IPCEF1: variants seen among roughly 807,000 people sequenced by gnomAD.
IPCEF1 encodes interaction protein for cytohesin exchange factors 1.
A neutral mutation model predicts 50.9 loss-of-function variants in IPCEF1; 31 were observed. The ratio of observed to expected loss-of-function variants is 0.61; its 90% CI spans 0.46 to 0.82. IPCEF1 has a LOEUF of 0.82. Ranked by LOEUF, IPCEF1 falls within the 40% of genes least tolerant of loss-of-function variation. IPCEF1 has a pLI of 0.00. For missense variants in IPCEF1, 458 were observed against 514.0 expected, an observed-to-expected ratio of 0.89 and a Z score of 1.05; for synonymous variants, 181 against 192.0, an observed-to-expected ratio of 0.94 and a Z score of 0.47.
chr6:154,183,785 G>A (rs1801099532), intron 10 of IPCEF1, among the ~76,000 whole-genome samples: 1 of 152,040 alleles, frequency 6.6e-6, no homozygotes. Context: ...AGCTACGTGG[G>A]AGGCTGAGGT....
At chr6:154,167,278 T>C (rs1260293644) in intron 11 of IPCEF1, among the ~76,000 whole-genome samples, 1 of 152,244 alleles carries the variant, frequency 6.6e-6, no homozygotes, top group Non-Finnish European at 1.5e-5. Flanking sequence ...AAGAACCATT[T>C]CAGCTCAGGG....
At chr6:154,177,148 T>G (rs1800400814) in intron 10 of IPCEF1, among the ~76,000 whole-genome samples, 2 of 152,184 alleles carry the variant, frequency 1.3e-5, no homozygotes, top group Admixed American at 6.5e-5. Context: ...CAAGATGGAT[T>G]AAAGACTTAA....
chr6:154,331,425 G>GAGAGAAAAAGAA (rs1783669432), intron 1 of IPCEF1, among the ~76,000 whole-genome samples: 1 of 122,806 alleles, frequency 8.1e-6, no homozygotes, highest in African/African-American at 3.4e-5. Context: ...AAAAGAAAGA[G>GAGAGAAAAAGAA]AGAGAGAGAA....
At chr6:154,229,776 G>A (rs1341810935) in intron 5 of IPCEF1, among the ~76,000 whole-genome samples, 1 of 152,174 alleles carries the variant, frequency 6.6e-6, no homozygotes, top group Non-Finnish European at 1.5e-5. Context: ...CATGCAAATC[G>A]TTATAACAGC....
chr6:154,162,260 G>A (rs73789356), intron 11 of IPCEF1, among the ~76,000 whole-genome samples: 184 of 152,230 alleles, frequency 1.2e-3, no homozygotes, highest in African/African-American at 4.3e-3. Flanking sequence ...AGTCTCACTG[G>A]TACACATGTT....
intron 5 of IPCEF1, among the ~76,000 whole-genome samples, chr6:154,225,856 C>T (rs570036167): frequency 6.6e-6 from 1 of 152,152 alleles, no homozygotes; most frequent in Non-Finnish European, 1.5e-5. Flanking sequence ...CTTCCTCCTC[C>T]CATTCATTTC....
At chr6:154,206,522 C>T (rs1330726839) in intron 9 of IPCEF1, among the ~76,000 whole-genome samples, 2 of 152,168 alleles carry the variant, frequency 1.3e-5, no homozygotes, top group African/African-American at 2.4e-5. Flanking sequence ...TGGGCACTGG[C>T]TCTGACTTTA....
chr6:154,216,776 G>A (rs1214725780), intron 7 of IPCEF1, among the ~76,000 whole-genome samples: 1 of 152,294 alleles, frequency 6.6e-6, no homozygotes, highest in East Asian at 1.9e-4. Context: ...GCTGAGGCAG[G>A]AGAATCGCTT....
Position 154,247,487 on chromosome 6 carries a change from T to A in IPCEF1, c.38A>T (p.Gln13Leu), listed in dbSNP as rs1439349553. The A allele has an allele frequency of 6.2e-7, 1 of 1,611,856 alleles. No individual in the cohort carries two copies. Among genetic ancestry groups the A allele is most frequent in the Non-Finnish European group, 8.5e-7 (1 of 1,178,416 alleles). Residue 13 changes from glutamine (Q) to leucine (L), a missense_variant and splice_region_variant, in exon 4 of 12, where the codon CAG becomes CTG. By Grantham distance (113) the Gln-to-Leu change is moderately radical. Transcript: ENST00000367220. ...CCTGGGCTTCTGACGCAAGGGAACC[T>A]GCTGAAAATGCAGGAAGGAAAGAAA... ...SYMAIDGSALQVPLRQKPRRK... is the reference protein window; with the variant it reads ...SYMAIDGSALLVPLRQKPRRK...
At chr6:154,307,366 C>T (rs1202961326) in intron 1 of IPCEF1, among the ~76,000 whole-genome samples, 1 of 152,204 alleles carries the variant, frequency 6.6e-6, no homozygotes. Flanking sequence ...ACGTGACTTG[C>T]TCCTCCTTGC....
intron 2 of IPCEF1, among the ~76,000 whole-genome samples, chr6:154,273,120 A>T (rs1781938564): frequency 6.6e-6 from 1 of 152,260 alleles, no homozygotes; most frequent in Admixed American, 6.5e-5. Context: ...AAGTGAAAAC[A>T]AAACAGGTCT....
intron 1 of IPCEF1, among the ~76,000 whole-genome samples, chr6:154,325,639 C>T (rs746535941): frequency 2.0e-5 from 3 of 152,198 alleles, no homozygotes; most frequent in Non-Finnish European, 4.4e-5. Context: ...ACATGAAACT[C>T]TGTCCTCACA....
intron 1 of IPCEF1, among the ~76,000 whole-genome samples, chr6:154,326,244 A>G (rs1255632070): frequency 6.6e-6 from 1 of 151,882 alleles, no homozygotes; most frequent in African/African-American, 2.4e-5. Flanking sequence ...AAAGAAAAGA[A>G]AAAAGCTGTT....
chr6:154,329,264 T>A (rs1449342161), intron 1 of IPCEF1, among the ~76,000 whole-genome samples: 2 of 152,036 alleles, frequency 1.3e-5, no homozygotes, highest in African/African-American at 4.8e-5. Flanking sequence ...TTTTTTTTAA[T>A]CAGCTGAGAG....
At chr6:154,215,024 C>G (rs790253) in intron 7 of IPCEF1, among the ~76,000 whole-genome samples, 33,690 of 152,110 alleles carry the variant, frequency 0.22, 4,232 homozygotes, top group Admixed American at 0.41. Context: ...ATGACATATA[C>G]TCCTAACTAT....
intron 5 of IPCEF1, among the ~76,000 whole-genome samples, chr6:154,243,265 T>C (rs1219305776): frequency 6.6e-6 from 1 of 152,132 alleles, no homozygotes; most frequent in Non-Finnish European, 1.5e-5. Context: ...AAAACAAAAC[T>C]GTGGATTTTA....
At chr6:154,194,840 C>A (rs1260093072) in intron 10 of IPCEF1, among the ~76,000 whole-genome samples, 2 of 152,076 alleles carry the variant, frequency 1.3e-5, no homozygotes, top group East Asian at 1.9e-4. Flanking sequence ...GGTGAATCAC[C>A]CATGCCTGAG....
At chr6:154,347,217 C>T (rs906451166) in intron 1 of IPCEF1, among the ~76,000 whole-genome samples, 8 of 152,322 alleles carry the variant, frequency 5.3e-5, no homozygotes, top group East Asian at 1.9e-4. Context: ...AATTATGTAG[C>T]ATCCTTTTCC....
At chr6:154,247,543 T>C in intron 3 of IPCEF1, 55 bp from the exon 4 acceptor site, 1 of 1,515,496 alleles carries the variant, frequency 6.6e-7, no homozygotes, top group Non-Finnish European at 9.2e-7. Context: ...TTGTAACATT[T>C]GTAAAGAGAG....
Sources: gnomAD v4.1 joint callset for allele counts (sites outside exome capture counted in the v4.1 genomes callset) on GRCh38, gnomAD v4.1.1 for gene constraint, MANE v1.5 for transcripts, NCBI Gene and HGNC (gene_info 2026-07-23, HGNC 2026-07-21) for gene names.